Variants in ASB14 observed in about 807,000 individuals in gnomAD.
ASB14 encodes the protein ankyrin repeat and SOCS box containing 14.
ASB14 carries 63 observed loss-of-function variants against 55.6 expected under a neutral mutation model. The ratio of observed to expected loss-of-function variants is 1.13; its 90% CI spans 0.92 to 1.40. ASB14 has a LOEUF of 1.40. ASB14 is among the 40% of genes most tolerant of loss of function. ASB14 has a pLI of 0.00. For missense variants in ASB14, 724 were observed against 710.4 expected, an observed-to-expected ratio of 1.02 and a Z score of -0.22; for synonymous variants, 256 against 259.9, an observed-to-expected ratio of 0.98 and a Z score of 0.15.
At position 57,269,520 on chromosome 3, in the gene ASB14, C is replaced by G. The variant is rs766656860; in HGVS notation, c.*121G>C. 6.2e-7 allele frequency: 1 copy of G among 1,609,918 alleles called. No individual in the cohort carries two copies. Among genetic ancestry groups the G allele is most frequent in the South Asian group, 1.1e-5 (1 of 90,104 alleles). On this transcript the variant is annotated 3_prime_UTR_variant, in exon 11 of 11. Coordinates refer to ENST00000487349, the MANE Select transcript of ASB14 (RefSeq NM_001142733.3). ...TGACTGCAGACAAGTAACTTAGTTTCTTTTTTGTCTTTTCCACTAGGACTT... is the reference window on the plus strand; with the variant it reads ...TGACTGCAGACAAGTAACTTAGTTTGTTTTTTGTCTTTTCCACTAGGACTT...
At chr3:57,281,719 T>C (rs149709591) in intron 6 of ASB14, among the ~76,000 whole-genome samples, 69 of 152,314 alleles carry the variant, frequency 4.5e-4, no homozygotes, top group Middle Eastern at 3.4e-3. Flanking sequence ...AAGAAACTCA[T>C]TGAGTTTCAG....
intron 5 of ASB14, 123 bp from the exon 6 acceptor site, chr3:57,283,562 C>T: frequency 1.0e-6 from 1 of 972,540 alleles, no homozygotes; most frequent in East Asian, 2.6e-5. Flanking sequence ...CCCGAACATT[C>T]TGTGTTTAGG....
rs777656896 is a variant in ASB14, at chr3:57,278,755, G to T, written c.1053C>A (p.His351Gln). The T allele has an allele frequency of 3.7e-6, 6 of 1,613,504 alleles. No homozygotes were observed. The East Asian group carries it at 1.1e-4, about 30-fold the overall frequency. The change falls in exon 8 of 11, where the codon CAC becomes CAA. Residue 351 changes from histidine to glutamine, a missense_variant. Transcript: ENST00000487349. ...NFMLDQRINK[H>Q]YDDHRKSALY... ...AAGCTGACTTCCTGTGGTCATCGTA[G>T]TGTTTGTTAATTCTCTGATCCAGCA...
chr3:57,289,406 T>A (rs888299777), intron 2 of ASB14, among the ~76,000 whole-genome samples: 2 of 152,210 alleles, frequency 1.3e-5, no homozygotes. Context: ...AGGCCCTTAA[T>A]CAGCGTTGGC....
At position 57,276,610 on chromosome 3, in the gene ASB14, T is replaced by C. The variant is rs373470439; in HGVS notation, c.1704A>G (p.Ala568=). 31 of 1,613,792 alleles carry C rather than the reference T, an allele frequency of 1.9e-5. No individual in the cohort carries two copies. The highest frequency in any genetic ancestry group is 3.3e-5 in the South Asian group (3 of 91,076). The change falls in exon 10 of 11, where the codon GCA becomes GCG. Residue 568 remains alanine, a synonymous_variant. Transcript: ENST00000487349. ...GGTCGTATTCTTTGTAAAGGACATATGCTTTTAGACGATTGGGTAATGGAA... is the reference window on the plus strand; with the variant it reads ...GGTCGTATTCTTTGTAAAGGACATACGCTTTTAGACGATTGGGTAATGGAA... The part of the protein sequence containing the change: ...SFLPLPNRLK[A]YVLYKEYDLY...
At chr3:57,270,091 T>C (rs1454669649) in intron 10 of ASB14, 1 of 155,366 alleles carries the variant, frequency 6.4e-6, no homozygotes, top group African/African-American at 2.4e-5. Context: ...ATTTTGCTGG[T>C]GATGAGGAAG....
In ASB14 at chr3:57,280,283, TA is replaced by T; in HGVS notation, c.887+18del. Reference sequence around the variant, plus strand: ...CTATTACTGTTTTTATTATTTATAATAATGTAATTGAACTTAACAGTAAGTG... The same window carrying T: ...CTATTACTGTTTTTATTATTTATAATATGTAATTGAACTTAACAGTAAGTG... On this transcript the variant is annotated intron_variant, in intron 7 of 10. Coordinates refer to ENST00000487349, the MANE Select transcript of ASB14 (RefSeq NM_001142733.3). 6.7e-7 allele frequency: 1 copy of T among 1,501,812 alleles called. No homozygotes were observed. The highest frequency in any genetic ancestry group is 9.0e-7 in the Non-Finnish European group (1 of 1,114,366). The allele number at this position is 1,501,812 out of a possible 1,614,324, so 93.0% of individuals were successfully genotyped here. A position where few individuals can be genotyped will look rare whatever the true frequency, so the allele number is the denominator to read the frequency against.
chr3:57,283,979 T>C (rs1233741104), intron 5 of ASB14, among the ~76,000 whole-genome samples: 2 of 152,084 alleles, frequency 1.3e-5, no homozygotes, highest in East Asian at 1.9e-4. Context: ...TACCACACTT[T>C]GGCAACACAC....
intron 9 of ASB14, 25 bp from the exon 10 acceptor site, chr3:57,276,753 A>G (rs2060991735): frequency 2.5e-6 from 4 of 1,576,246 alleles, no homozygotes; most frequent in Non-Finnish European, 2.6e-6. Context: ...CACATTATCC[A>G]AAGAGAAAAA....
At chr3:57,278,241 A>C in intron 8 of ASB14, 136 bp downstream of exon 8, 1 of 658,840 alleles carries the variant, frequency 1.5e-6, no homozygotes, top group Non-Finnish European at 2.5e-6. Flanking sequence ...TATCATAATT[A>C]TTTTATCATA....
chr3:57,280,100 C>T (rs1262233831), intron 7 of ASB14, among the ~76,000 whole-genome samples: 2 of 134,548 alleles, frequency 1.5e-5, no homozygotes, highest in Non-Finnish European at 3.0e-5. Flanking sequence ...GTACTTTCAT[C>T]TGTCACTTGG....
intron 7 of ASB14, among the ~76,000 whole-genome samples, chr3:57,280,009 G>C (rs2061025786): frequency 6.6e-6 from 1 of 151,898 alleles, no homozygotes; most frequent in Non-Finnish European, 1.5e-5. Flanking sequence ...GCACCAGCTT[G>C]TCAGGGCCAT....
chr3:57,275,451 CAAAAA>C lies in ASB14; in HGVS notation c.*22+1072_*22+1076del, dbSNP rs11323278. Among the ~76,000 whole-genome samples, 177 of 114,448 alleles carry C rather than the reference CAAAAA, an allele frequency of 1.5e-3. 1 individual carries two copies. Among genetic ancestry groups the C allele is most frequent in the African/African-American group, 5.4e-3 (166 of 30,958 alleles). The allele number at this position is 114,448 out of a possible 152,430, so 75.1% of individuals were successfully genotyped here. On this transcript the variant is annotated intron_variant, in intron 10 of 10. Coordinates refer to ENST00000487349, the MANE Select transcript of ASB14 (RefSeq NM_001142733.3). ...TGGGTGACAGGACAAGACTCCATCT[CAAAAA>C]AAAAAAAAAAAAAGTATTAAGATGA... is the stretch of plus-strand genomic sequence containing the variant.
intron 10 of ASB14, among the ~76,000 whole-genome samples, chr3:57,275,451 CAA>C (rs11323278): frequency 0.012 from 1,361 of 114,388 alleles, 16 homozygotes; most frequent in African/African-American, 0.036. Flanking sequence ...GACTCCATCT[CAA>C]AAAAAAAAAA....
At chr3:57,277,313 A>G (rs987137366) in intron 9 of ASB14, among the ~76,000 whole-genome samples, 6 of 152,088 alleles carry the variant, frequency 3.9e-5, no homozygotes, top group African/African-American at 1.4e-4. Flanking sequence ...GGGACAGGGT[A>G]GAAACTGAAG....
At chr3:57,273,149 C>G (rs2060957430) in intron 10 of ASB14, 1 of 152,574 alleles carries the variant, frequency 6.6e-6, no homozygotes, top group Non-Finnish European at 1.5e-5. Context: ...TAATATGAGA[C>G]TGGGGGTTAA....
At position 57,283,555 on chromosome 3, in the gene ASB14, G is replaced by A. The variant is rs556476769; in HGVS notation, c.470-116C>T. The A allele has an allele frequency of 7.4e-6, 8 of 1,074,102 alleles. No individual in the cohort carries two copies. The East Asian group carries it at 7.8e-5, about 10-fold the overall frequency. 66.5% of individuals were successfully genotyped at this position (1,074,102 alleles called of 1,614,324 possible). On this transcript the variant is annotated intron_variant, in intron 5 of 10. Transcript: ENST00000487349. ...GTTCTTCCCACCCACTCCCAGACCC[G>A]AACATTCTGTGTTTAGGAAACAGAT...
intron 2 of ASB14, among the ~76,000 whole-genome samples, chr3:57,291,648 TTC>T (rs3068182): frequency 0.14 from 22,053 of 152,210 alleles, 2,266 homozygotes; most frequent in East Asian, 0.52. Flanking sequence ...ATATCCTCCT[TTC>T]TTTCTTCTGA....
chr3:57,271,214 C>T (rs1559517560), intron 10 of ASB14: 2 of 145,236 alleles, frequency 1.4e-5, no homozygotes. Context: ...AAATATAACT[C>T]AGCTGTTTCA....
Sources: gnomAD v4.1 joint callset for allele counts (sites outside exome capture counted in the v4.1 genomes callset) on GRCh38, gnomAD v4.1.1 for gene constraint, MANE v1.5 for transcripts, NCBI Gene and HGNC (gene_info 2026-07-23, HGNC 2026-07-21) for gene names.